RIT2: variants seen among roughly 807,000 people sequenced by gnomAD.
RIT2 encodes the protein Ras like without CAAX 2, also known as GTP-binding protein Rit2.
In RIT2, 24 loss-of-function variants were observed where a neutral mutation model predicts 23.7. The observed-to-expected ratio is 1.01, with a 90% CI of 0.73 to 1.43. RIT2 has a LOEUF of 1.43. Among genes scored for constraint, RIT2 ranks in the 40% most tolerant of loss-of-function variants. The probability of loss-of-function intolerance (pLI) is 0.00; values close to 1 mark genes in which losing one functional copy is unlikely to be tolerated. For missense variants in RIT2, 236 were observed against 266.9 expected, an observed-to-expected ratio of 0.88 and a Z score of 0.81; for synonymous variants, 107 against 91.1, an observed-to-expected ratio of 1.17 and a Z score of -0.99.
chr18:43,033,243 A>G (rs1029125941), intron 2 of RIT2, among the ~76,000 whole-genome samples: 2 of 152,162 alleles, frequency 1.3e-5, no homozygotes, highest in East Asian at 1.9e-4. Flanking sequence ...CTTCTGCAGT[A>G]TATTATGACA....
intron 4 of RIT2, among the ~76,000 whole-genome samples, chr18:42,853,654 C>T (rs1018152095): frequency 3.4e-4 from 51 of 152,222 alleles, no homozygotes; most frequent in African/African-American, 1.2e-3. Flanking sequence ...GTCTCTACAG[C>T]AGAATATCTC....
In RIT2 at chr18:43,068,761, A is replaced by G. The variant is rs1407310078; in HGVS notation, c.104-34894T>C. ...GTAATTGATTGATGTGACTATAGCT[A>G]CTTTTCTGAAAGTTCATAAATACAA... is the stretch of plus-strand genomic sequence containing the variant. On this transcript the variant is annotated intron_variant, in intron 1 of 4. Transcript: ENST00000326695. Among the ~76,000 whole-genome samples, 4 of 140,180 alleles carry G rather than the reference A, an allele frequency of 2.9e-5. No individual in the cohort carries two copies. The East Asian group carries it at 6.6e-4, about 23-fold the overall frequency. The allele number at this position is 140,180 out of a possible 152,430, so 92.0% of individuals were successfully genotyped here. A position where few individuals can be genotyped will look rare whatever the true frequency, so the allele number is the denominator to read the frequency against.
At chr18:42,791,066 C>G (rs183993662) in intron 4 of RIT2, among the ~76,000 whole-genome samples, 8 of 152,196 alleles carry the variant, frequency 5.3e-5, no homozygotes, top group African/African-American at 1.9e-4. Context: ...ATAGAATAAG[C>G]AATCTAATGT....
chr18:42,748,716 A>C (rs983024863), intron 4 of RIT2, among the ~76,000 whole-genome samples: 1 of 151,974 alleles, frequency 6.6e-6, no homozygotes. Flanking sequence ...CTAAGATATG[A>C]TAATGTAAAG....
intron 4 of RIT2, among the ~76,000 whole-genome samples, chr18:42,912,768 CAAA>C (rs1908804222): frequency 6.6e-6 from 1 of 151,760 alleles, no homozygotes; most frequent in South Asian, 2.1e-4. Context: ...ATGAAGAAAT[CAAA>C]GAAGAGCTAA....
chr18:42,845,664 T>C (rs1906887886), intron 4 of RIT2, among the ~76,000 whole-genome samples: 1 of 149,658 alleles, frequency 6.7e-6, no homozygotes, highest in Admixed American at 6.7e-5. Flanking sequence ...ATTACATAAA[T>C]ATTAAATATT....
intron 3 of RIT2, among the ~76,000 whole-genome samples, chr18:42,924,698 A>C (rs1282326001): frequency 6.6e-6 from 1 of 152,022 alleles, no homozygotes; most frequent in Admixed American, 6.6e-5. Context: ...AAAGCAATAA[A>C]ATTTTAGGTG....
intron 4 of RIT2, among the ~76,000 whole-genome samples, chr18:42,775,398 T>C (rs1913644213): frequency 6.6e-6 from 1 of 152,018 alleles, no homozygotes; most frequent in African/African-American, 2.4e-5. Context: ...GGTACCACAT[T>C]AATAAATGCC....
At chr18:42,844,387 A>G (rs1906850668) in intron 4 of RIT2, among the ~76,000 whole-genome samples, 1 of 152,194 alleles carries the variant, frequency 6.6e-6, no homozygotes, top group Non-Finnish European at 1.5e-5. Flanking sequence ...CCAGCATCCA[A>G]GAAGAATGAG....
chr18:42,854,121 C>T (rs2144040286), intron 4 of RIT2, among the ~76,000 whole-genome samples: 1 of 152,252 alleles, frequency 6.6e-6, no homozygotes, highest in Admixed American at 6.5e-5. Context: ...ATGATGTAAA[C>T]TCCTTGAGGA....
intron 3 of RIT2, among the ~76,000 whole-genome samples, chr18:42,967,535 AATT>A (rs1910260210): frequency 9.3e-6 from 1 of 107,892 alleles, no homozygotes; most frequent in Non-Finnish European, 1.7e-5. Context: ...ACGCCCGGCT[AATT>A]TTTTTTTTTT....
rs1598744403 is a variant in RIT2 at position 43,001,906 on chromosome 18, A to G, written c.161-27759T>C. ...GCTGGAGTAGATGTGTGTGCATGCC[A>G]TAAGAATGAAATTCCAGAACTTTAC... is the stretch of plus-strand genomic sequence containing the variant. On this transcript the variant is annotated intron_variant, in intron 2 of 4. Coordinates refer to ENST00000326695, the MANE Select transcript of RIT2 (RefSeq NM_002930.4). Among the ~76,000 whole-genome samples the G allele has an allele frequency of 3.3e-5, 5 of 152,128 alleles. 1 individual carries two copies. Among genetic ancestry groups the G allele is most frequent in the Admixed American group, 3.3e-4 (5 of 15,274 alleles).
rs1410761976 is a variant in RIT2, at chr18:42,809,936, T to TA, written c.427-66217_427-66216insT. Among the ~76,000 whole-genome samples, 6 of 143,468 alleles carry TA rather than the reference T, an allele frequency of 4.2e-5. No homozygotes were observed. In the East Asian group the frequency reaches 7.9e-4, roughly 19 times the overall value. 94.1% of individuals were successfully genotyped at this position (143,468 alleles called of 152,430 possible). On this transcript the variant is annotated intron_variant, in intron 4 of 4. Transcript: ENST00000326695. ...ATATAATTTGTATATATGTTATATA[T>TA]TAATATATGATATACATAATTTGTA...
chr18:43,012,360 T>C (rs998246400), intron 2 of RIT2, among the ~76,000 whole-genome samples: 3 of 151,860 alleles, frequency 2.0e-5, no homozygotes, highest in African/African-American at 4.8e-5. Flanking sequence ...GTAATTTGTA[T>C]ATATGAACTT....
At chr18:43,021,870 A>T (rs1399840595) in intron 2 of RIT2, among the ~76,000 whole-genome samples, 1 of 152,104 alleles carries the variant, frequency 6.6e-6, no homozygotes, top group African/African-American at 2.4e-5. Flanking sequence ...AGATTAATAC[A>T]TACAACCATT....
intron 4 of RIT2, among the ~76,000 whole-genome samples, chr18:42,920,434 A>C (rs1225004154): frequency 6.6e-6 from 1 of 152,170 alleles, no homozygotes; most frequent in Non-Finnish European, 1.5e-5. Flanking sequence ...AGGATTAAAT[A>C]AAATCTTGTG....
At position 43,105,465 on chromosome 18, in the gene RIT2, G is replaced by A. The variant is rs199526365; in HGVS notation, c.103+9952C>T. Among the ~76,000 whole-genome samples the A allele has an allele frequency of 7.1e-3, 1,037 of 145,058 alleles. 14 individuals are homozygous for A. Among genetic ancestry groups the A allele is most frequent in the African/African-American group, 0.026 (986 of 37,342 alleles). On this transcript the variant is annotated intron_variant, in intron 1 of 4. Coordinates refer to ENST00000326695, the MANE Select transcript of RIT2 (RefSeq NM_002930.4). Reference sequence around the variant, plus strand: ...GGAACAAAAAAAGGAAGGGAGGAAGGGAGGAAGAGAGGAAGGGAGGAAGGG... The same window carrying A: ...GGAACAAAAAAAGGAAGGGAGGAAGAGAGGAAGAGAGGAAGGGAGGAAGGG...
intron 4 of RIT2, among the ~76,000 whole-genome samples, chr18:42,774,144 C>A (rs1326977297): frequency 3.9e-5 from 6 of 152,100 alleles, no homozygotes; most frequent in Non-Finnish European, 1.5e-5. Context: ...AAAAGGAAAG[C>A]AATTCAGACC....
At chr18:43,024,820 C>T (rs1911674034) in intron 2 of RIT2, among the ~76,000 whole-genome samples, 1 of 150,960 alleles carries the variant, frequency 6.6e-6, no homozygotes, top group Admixed American at 6.6e-5. Flanking sequence ...AAACAGCCAA[C>T]AAATATATGA....
Sources: gnomAD v4.1 joint callset for allele counts (sites outside exome capture counted in the v4.1 genomes callset) on GRCh38, gnomAD v4.1.1 for gene constraint, MANE v1.5 for transcripts, NCBI Gene and HGNC (gene_info 2026-07-23, HGNC 2026-07-21) for gene names.